MCPH1: variants seen among roughly 807,000 people sequenced by gnomAD.
The protein encoded by MCPH1 is microcephalin 1.
Under a neutral mutation model 84.5 loss-of-function variants are expected in MCPH1, and 104 were observed. The observed-to-expected ratio is 1.23, with a 90% CI of 1.05 to 1.45. The LOEUF (loss-of-function observed/expected upper bound fraction) is 1.45, where lower values mean the gene tolerates loss of function less well. Ranked by LOEUF, MCPH1 falls within the 40% of genes most tolerant of loss-of-function variation. The probability of loss-of-function intolerance (pLI) is 0.00; values close to 1 mark genes in which losing one functional copy is unlikely to be tolerated. For synonymous variants in MCPH1, 514 were observed against 366.8 expected, an observed-to-expected ratio of 1.40 and a Z score of -4.58; for missense variants, 1,498 against 1,005.7, an observed-to-expected ratio of 1.49 and a Z score of -6.62.
At chr8:6,625,155 G>A (rs972249216) in intron 13 of MCPH1, 8 of 983,552 alleles carry the variant, frequency 8.1e-6, no homozygotes, top group East Asian at 1.1e-4. Flanking sequence ...GATTACAGGC[G>A]TGAGCCACCG....
At position 6,547,556 on chromosome 8, in the gene MCPH1, G is replaced by A. The variant is rs183551916; in HGVS notation, c.2214+47627G>A. ...ATGTTTCTCTGTTTATCAAAGGGGC[G>A]CAGAGTCACAGTAGCACTTTGGACC... On this transcript the variant is annotated intron_variant, in intron 12 of 13. Transcript: ENST00000344683. 4.3e-4 allele frequency among the ~76,000 whole-genome samples: 65 copies of A among 152,286 alleles called. No homozygotes were observed. In the East Asian group the frequency reaches 5.2e-3, roughly 12 times the overall value.
chr8:6,602,674 CTTG>C (rs777948594), intron 12 of MCPH1, among the ~76,000 whole-genome samples: 1 of 152,036 alleles, frequency 6.6e-6, no homozygotes, highest in African/African-American at 2.4e-5. Flanking sequence ...TGTTGCTTTC[CTTG>C]TTGTTTACAA....
Position 6,595,618 on chromosome 8 carries a change from A to G in MCPH1, c.2215-25836A>G, listed in dbSNP as rs2959787. Among the ~76,000 whole-genome samples the G allele has an allele frequency of 0.03, 4,525 of 152,236 alleles. 402 individuals are homozygous for G. The East Asian group carries it at 0.34, about 12-fold the overall frequency. ...GTTTGAGTGAAGAGTGCATGGTCCA[A>G]CACGGTCTTCAGAGCATCGTTCCAG... On this transcript the variant is annotated intron_variant, in intron 12 of 13. Transcript: ENST00000344683.
At chr8:6,495,904 A>C (rs1000930020) in intron 11 of MCPH1, among the ~76,000 whole-genome samples, 3 of 152,166 alleles carry the variant, frequency 2.0e-5, no homozygotes, top group Admixed American at 1.3e-4. Context: ...ATCAGATTTG[A>C]TTTTTAATTA....
At chr8:6,513,923 A>C in intron 12 of MCPH1, 1 of 1,277,318 alleles carries the variant, frequency 7.8e-7, no homozygotes, top group Non-Finnish European at 1.1e-6. Context: ...CCGTCAACTT[A>C]ACATAGAATA....
At chr8:6,478,845 T>G (rs970770535) in intron 10 of MCPH1, among the ~76,000 whole-genome samples, 1 of 152,242 alleles carries the variant, frequency 6.6e-6, no homozygotes, top group Non-Finnish European at 1.5e-5. Context: ...GGCCCAGATC[T>G]TGACTCACAC....
At chr8:6,423,124 G>C (rs1800484485) in intron 3 of MCPH1, among the ~76,000 whole-genome samples, 1 of 149,858 alleles carries the variant, frequency 6.7e-6, no homozygotes, top group African/African-American at 2.5e-5. Flanking sequence ...CCTGGCAAAA[G>C]CACACTTTTA....
intron 4 of MCPH1, among the ~76,000 whole-genome samples, chr8:6,433,176 C>A (rs1249824711): frequency 6.6e-6 from 1 of 152,128 alleles, no homozygotes; most frequent in Admixed American, 6.6e-5. Context: ...GACTGTTTTT[C>A]CGGTATTCAT....
intron 12 of MCPH1, among the ~76,000 whole-genome samples, chr8:6,595,919 G>C (rs114216445): frequency 2.0e-5 from 3 of 152,180 alleles, no homozygotes; most frequent in Non-Finnish European, 4.4e-5. Flanking sequence ...TTACAAAAAG[G>C]GAAGACGATT....
chr8:6,617,592 G>A (rs2515557), intron 12 of MCPH1, among the ~76,000 whole-genome samples: 33,059 of 151,714 alleles, frequency 0.22, 4,151 homozygotes, highest in Non-Finnish European at 0.3. Flanking sequence ...TGTCCTGCAC[G>A]CACTCCTGTT....
chr8:6,636,797 C>T (rs1302678268), intron 13 of MCPH1, among the ~76,000 whole-genome samples: 1 of 152,144 alleles, frequency 6.6e-6, no homozygotes, highest in African/African-American at 2.4e-5. Context: ...AAATGCCACC[C>T]ACCACCCCCC....
intron 2 of MCPH1, among the ~76,000 whole-genome samples, chr8:6,411,444 A>G (rs145909635): frequency 1.3e-5 from 2 of 152,354 alleles, no homozygotes; most frequent in African/African-American, 4.8e-5. Flanking sequence ...GTAAAGTGCA[A>G]GAGTGATGAT....
At chr8:6,429,075 G>A (rs1346233622) in intron 3 of MCPH1, among the ~76,000 whole-genome samples, 1 of 152,210 alleles carries the variant, frequency 6.6e-6, no homozygotes, top group African/African-American at 2.4e-5. Context: ...ACATTCATGT[G>A]CAGGCTCTTT....
intron 11 of MCPH1, among the ~76,000 whole-genome samples, chr8:6,482,753 A>T (rs1479172199): frequency 2.6e-5 from 4 of 152,170 alleles, no homozygotes; most frequent in African/African-American, 4.8e-5. Context: ...ATAGAAACAG[A>T]ACTGGGTGAA....
chr8:6,437,020 A>G (rs1250475256), intron 5 of MCPH1, among the ~76,000 whole-genome samples: 1 of 152,012 alleles, frequency 6.6e-6, no homozygotes, highest in East Asian at 1.9e-4. Flanking sequence ...CGTTTTTGGT[A>G]TTTCTGTTTT....
intron 11 of MCPH1, among the ~76,000 whole-genome samples, chr8:6,496,686 A>C (rs1477834510): frequency 6.6e-6 from 1 of 152,200 alleles, no homozygotes; most frequent in African/African-American, 2.4e-5. Flanking sequence ...ATGTAGTGTT[A>C]TGACTAACAG....
At chr8:6,484,083 C>T (rs1271728409) in intron 11 of MCPH1, among the ~76,000 whole-genome samples, 2 of 152,102 alleles carry the variant, frequency 1.3e-5, no homozygotes, top group Non-Finnish European at 2.9e-5. Context: ...AGTTAGATTT[C>T]ATCAAAATTG....
At chr8:6,440,092 A>G (rs913454551) in intron 6 of MCPH1, among the ~76,000 whole-genome samples, 8 of 152,162 alleles carry the variant, frequency 5.3e-5, no homozygotes, top group Non-Finnish European at 1.5e-5. Flanking sequence ...TTTGCAGCTT[A>G]GTTGTTGTAG....
rs546840050 is a variant in MCPH1, at chr8:6,504,087, G to A, written c.2214+4158G>A. On this transcript the variant is annotated intron_variant, in intron 12 of 13. Coordinates refer to ENST00000344683, the MANE Select transcript of MCPH1 (RefSeq NM_024596.5). ...TAATCCCAGCACTTTGGGAGGCCGAGGTGGGTGGATCACGAGATCAGGAGA... is the reference window on the plus strand; with the variant it reads ...TAATCCCAGCACTTTGGGAGGCCGAAGTGGGTGGATCACGAGATCAGGAGA... Among the ~76,000 whole-genome samples, 414 of 152,210 alleles carry A rather than the reference G, an allele frequency of 2.7e-3. 1 individual carries two copies. Among genetic ancestry groups the A allele is most frequent in the African/African-American group, 9.8e-3 (406 of 41,544 alleles).
Sources: allele counts gnomAD v4.1 joint callset (sites outside exome capture counted in the v4.1 genomes callset), GRCh38; gene constraint gnomAD v4.1.1; transcripts MANE v1.5; gene names NCBI Gene and HGNC (gene_info 2026-07-23, HGNC 2026-07-21).